FBXO10: variants seen among roughly 807,000 people sequenced by gnomAD.
The protein encoded by FBXO10 is F-box protein 10, also known as F-box only protein 10.
Under a neutral mutation model 80.7 loss-of-function variants are expected in FBXO10, and 39 were observed. The ratio of observed to expected loss-of-function variants is 0.48; its 90% CI spans 0.37 to 0.63. The LOEUF (loss-of-function observed/expected upper bound fraction) is 0.63. Ranked by LOEUF, FBXO10 falls within the 30% of genes least tolerant of loss-of-function variation. FBXO10 has a pLI of 0.00. For synonymous variants in FBXO10, 449 were observed against 489.6 expected (o/e 0.92, Z 1.09); for missense variants, 1,025 against 1,269.0 (o/e 0.81, Z 2.92).
At chr9:37,529,082 A>T in intron 5 of FBXO10, 42 bp downstream of exon 5, 1 of 1,612,044 alleles carries the variant, frequency 6.2e-7, no homozygotes, top group Non-Finnish European at 8.5e-7. Context: ...AGAGACAGGG[A>T]GGAGGTTAAC....
At chr9:37,559,797 G>A (rs1267874085) in intron 1 of FBXO10, among the ~76,000 whole-genome samples, 1 of 152,172 alleles carries the variant, frequency 6.6e-6, no homozygotes, top group East Asian at 1.9e-4. Flanking sequence ...GTTACTCTAG[G>A]AACCTGGATC....
chr9:37,528,836 G>A lies in FBXO10; in HGVS notation c.1706+288C>T, dbSNP rs113613787. Among the ~76,000 whole-genome samples the A allele has an allele frequency of 6.2e-3, 944 of 152,322 alleles. 18 individuals are homozygous for A. Among genetic ancestry groups the A allele is most frequent in the African/African-American group, 0.02 (845 of 41,572 alleles). The stretch of plus-strand genomic sequence containing the variant: ...GAGCTGAAATCTCTGTTCCATCCCT[G>A]CCTGGGGGTACTTCTGTGCCCATTT... On this transcript the variant is annotated intron_variant, in intron 5 of 10. Transcript: ENST00000432825.
chr9:37,526,936 C>T (rs1044284976), intron 5 of FBXO10, among the ~76,000 whole-genome samples: 2 of 151,920 alleles, frequency 1.3e-5, no homozygotes, highest in Admixed American at 6.6e-5. Flanking sequence ...CTGCAACCTT[C>T]GCCTCCCGGG....
At chr9:37,549,801 C>G (rs918876454) in intron 1 of FBXO10, among the ~76,000 whole-genome samples, 1 of 152,200 alleles carries the variant, frequency 6.6e-6, no homozygotes, top group African/African-American at 2.4e-5. Context: ...CTTGCTCAAA[C>G]CCAGGTTCAA....
chr9:37,566,780 A>G (rs1380124869), intron 1 of FBXO10, among the ~76,000 whole-genome samples: 1 of 152,254 alleles, frequency 6.6e-6, no homozygotes, highest in Non-Finnish European at 1.5e-5. Flanking sequence ...AAATTTGAAG[A>G]TGAGAAAAAC....
chr9:37,514,331 T>A (rs573497333), intron 10 of FBXO10, among the ~76,000 whole-genome samples: 1 of 152,106 alleles, frequency 6.6e-6, no homozygotes, highest in Non-Finnish European at 1.5e-5. Context: ...AGAGCTGGCA[T>A]TGGCAAAGTC....
intron 10 of FBXO10, chr9:37,515,270 A>C (rs1268052002): frequency 6.6e-6 from 1 of 152,646 alleles, no homozygotes. Flanking sequence ...GGTTAGGGTG[A>C]GCGGTGCTGA....
Position 37,550,169 on chromosome 9 carries a change from G to GTTTTTTTTTT in FBXO10, c.-6-8405_-6-8396dup, listed in dbSNP as rs74171511. Among the ~76,000 whole-genome samples the GTTTTTTTTTT allele has an allele frequency of 1.9e-3, 126 of 67,996 alleles. 32 individuals are homozygous for GTTTTTTTTTT. Among genetic ancestry groups the GTTTTTTTTTT allele is most frequent in the East Asian group, 2.3e-3 (3 of 1,310 alleles). The allele number at this position is 67,996 out of a possible 152,430, so 44.6% of individuals were successfully genotyped here. A position where few individuals can be genotyped will look rare whatever the true frequency, so the allele number is the denominator to read the frequency against. On this transcript the variant is annotated intron_variant, in intron 1 of 10. Transcript: ENST00000432825. ...CAGTTTTCTTTTTTTGTCGTCTCAG[G>GTTTTTTTTTT]TTTTTTTTTTTTTTTTTTTTTTTTT... is the stretch of plus-strand genomic sequence containing the variant.
chr9:37,575,394 A>G (rs1167387975), intron 1 of FBXO10: 2 of 152,224 alleles, frequency 1.3e-5, no homozygotes, highest in Non-Finnish European at 1.5e-5. Context: ...AAAGCCCTTC[A>G]CGTGGGGCAA....
At chr9:37,558,176 A>T (rs1236564503) in intron 1 of FBXO10, among the ~76,000 whole-genome samples, 2 of 152,208 alleles carry the variant, frequency 1.3e-5, no homozygotes, top group South Asian at 2.1e-4. Flanking sequence ...CAACTCTGAC[A>T]GGTGTTCAAG....
rs1564332386 is a variant in FBXO10 at position 37,518,182 on chromosome 9, G to A, written c.2457C>T (p.Asn819=). The part of the protein sequence containing the change: ...TKGDSTIVIE[N]DIIGNRGSGL... ...CGCTGCCCCGGTTGCCAATGATATCGTTTTCAATGACGATGGTGCTGTCGC... is the reference window on the plus strand; with the variant it reads ...CGCTGCCCCGGTTGCCAATGATATCATTTTCAATGACGATGGTGCTGTCGC... Residue 819 remains asparagine, a synonymous_variant, in exon 9 of 11, where the codon AAC becomes AAT. Coordinates refer to ENST00000432825, the MANE Select transcript of FBXO10 (RefSeq NM_012166.3). 1.1e-5 allele frequency: 17 copies of A among 1,614,076 alleles called. No individual in the cohort carries two copies. The highest frequency in any genetic ancestry group is 1.4e-5 in the Non-Finnish European group (16 of 1,179,904).
Position 37,562,792 on chromosome 9 carries a change from TGCTGTGTATAAGACCAAGTG to T in FBXO10, c.-7+13399_-7+13418del, listed in dbSNP as rs529717012. Among the ~76,000 whole-genome samples, 152 of 152,340 alleles carry T rather than the reference TGCTGTGTATAAGACCAAGTG, an allele frequency of 1.0e-3. 2 individuals carry two copies. Among genetic ancestry groups the T allele is most frequent in the South Asian group, 7.9e-3 (38 of 4,826 alleles). Reference sequence around the variant, plus strand: ...AGAACCCAAGTATGTATTCAACACTTGCTGTGTATAAGACCAAGTGGTTAGCACCTTGTGAGTCAGTGGGA... The same window carrying T: ...AGAACCCAAGTATGTATTCAACACTTGTTAGCACCTTGTGAGTCAGTGGGA... On this transcript the variant is annotated intron_variant, in intron 1 of 10. Transcript: ENST00000432825.
chr9:37,558,925 C>T (rs1408053096), intron 1 of FBXO10, among the ~76,000 whole-genome samples: 1 of 152,010 alleles, frequency 6.6e-6, no homozygotes, highest in East Asian at 1.9e-4. Flanking sequence ...ATTCTCCTGC[C>T]TCAGCCTCCC....
At chr9:37,569,734 A>G (rs1384130626) in intron 1 of FBXO10, among the ~76,000 whole-genome samples, 2 of 152,162 alleles carry the variant, frequency 1.3e-5, no homozygotes, top group African/African-American at 4.8e-5. Context: ...ACCTGGGGAG[A>G]CTGAAGCAGG....
Position 37,525,121 on chromosome 9 carries a change from G to T in FBXO10, c.1758C>A (p.Asn586Lys). ...CCGTACCTGTGATGAGGCCTTTGCC[G>T]TTCTCATTCACTGCTATGCCGGCAG... is the stretch of plus-strand genomic sequence containing the variant. ...GRAAGIAVNENGKGLITENVI... is the reference protein window; with the variant it reads ...GRAAGIAVNEKGKGLITENVI... The change falls in exon 6 of 11, where the codon AAC becomes AAA. Residue 586 changes from asparagine to lysine, a missense_variant. Physicochemically the swap from Asn to Lys is moderately conservative, Grantham distance 94. Transcript: ENST00000432825. The T allele has an allele frequency of 6.4e-7, 1 of 1,563,636 alleles. No homozygotes were observed. The highest frequency in any genetic ancestry group is 8.7e-7 in the Non-Finnish European group (1 of 1,153,982).
At chr9:37,557,961 A>G (rs1276011510) in intron 1 of FBXO10, among the ~76,000 whole-genome samples, 1 of 152,238 alleles carries the variant, frequency 6.6e-6, no homozygotes, top group Non-Finnish European at 1.5e-5. Context: ...ACCAGGACCA[A>G]CTGCTGCATC....
chr9:37,518,662 C>T (rs1821248068), intron 8 of FBXO10, among the ~76,000 whole-genome samples: 1 of 152,150 alleles, frequency 6.6e-6, no homozygotes, highest in African/African-American at 2.4e-5. Flanking sequence ...GCATGAAGTC[C>T]TTATTCAGTG....
chr9:37,546,410 T>C (rs905959013), intron 1 of FBXO10, among the ~76,000 whole-genome samples: 3 of 152,158 alleles, frequency 2.0e-5, no homozygotes, highest in Non-Finnish European at 2.9e-5. Flanking sequence ...GGGCTGCACA[T>C]GTACAGGGCA....
rs1403980827 is a variant in FBXO10, at chr9:37,541,739, C to T, written c.30G>A (p.Leu10=). 6.2e-7 allele frequency: 1 copy of T among 1,609,154 alleles called. No homozygotes were observed. The highest frequency in any genetic ancestry group is 8.5e-7 in the Non-Finnish European group (1 of 1,176,906). Residue 10 remains leucine (L), a synonymous_variant, in exon 2 of 11, where the codon CTG becomes CTA. Coordinates refer to ENST00000432825, the MANE Select transcript of FBXO10 (RefSeq NM_012166.3). MEAGGLPLE[L]WRMILAYLHL... ...GCAAGTAGGCTAAGATCATGCGCCA[C>T]AGCTCCAAGGGGAGGCCACCAGCCT...
Sources: allele counts gnomAD v4.1 joint callset (sites outside exome capture counted in the v4.1 genomes callset), GRCh38; gene constraint gnomAD v4.1.1; transcripts MANE v1.5; gene names NCBI Gene and HGNC (gene_info 2026-07-23, HGNC 2026-07-21).